Variants in NAALADL2 observed in about 807,000 individuals in gnomAD.
NAALADL2 encodes inactive N-acetylated-alpha-linked acidic dipeptidase-like protein 2.
NAALADL2 carries 76 observed loss-of-function variants against 87.2 expected under a neutral mutation model. The ratio of observed to expected loss-of-function variants is 0.87; its 90% confidence interval spans 0.72 to 1.05. The LOEUF (loss-of-function observed/expected upper bound fraction) is 1.05, where lower values mean the gene tolerates loss of function less well. NAALADL2 is among the 50% of genes least tolerant of loss of function. NAALADL2 has a pLI of 0.00. For synonymous variants in NAALADL2, 354 were observed against 331.0 expected, an observed-to-expected ratio of 1.07 and a Z score of -0.75; for missense variants, 1,089 against 945.8, an observed-to-expected ratio of 1.15 and a Z score of -1.99.
intron 2 of NAALADL2, among the ~76,000 whole-genome samples, chr3:175,137,248 TTGATA>T (rs1729243901): frequency 6.6e-6 from 1 of 152,148 alleles, no homozygotes; most frequent in Non-Finnish European, 1.5e-5. Flanking sequence ...AGCACATTGA[TTGATA>T]TGTTTCCTTT....
chr3:175,387,277 G>C (rs1768509051), intron 5 of NAALADL2, among the ~76,000 whole-genome samples: 1 of 152,104 alleles, frequency 6.6e-6, no homozygotes, highest in Admixed American at 6.6e-5. Flanking sequence ...TATGGATAAA[G>C]AGAGATGACA....
intron 5 of NAALADL2, 23 bp from the exon 6 acceptor site, chr3:175,447,206 C>T (rs1253083524): frequency 6.6e-7 from 1 of 1,517,366 alleles, no homozygotes; most frequent in Admixed American, 2.3e-5. Context: ...TAAGGATTAT[C>T]TTCCTTTGTC....
intron 1 of NAALADL2, among the ~76,000 whole-genome samples, chr3:174,988,695 C>G (rs774402668): frequency 2.0e-5 from 3 of 152,128 alleles, no homozygotes; most frequent in South Asian, 2.1e-4. Context: ...TAACTCTGAT[C>G]TCCACATAGT....
At chr3:174,699,867 A>T (rs1318109200) in intron 2 of NAALADL2, among the ~76,000 whole-genome samples, 19 of 114,738 alleles carry the variant, frequency 1.7e-4, no homozygotes, top group South Asian at 2.6e-4. Flanking sequence ...AAGATTGTAT[A>T]TTTTTTTCTG....
intron 11 of NAALADL2, among the ~76,000 whole-genome samples, chr3:175,646,859 G>A (rs772502219): frequency 2.6e-5 from 4 of 151,976 alleles, no homozygotes; most frequent in African/African-American, 7.2e-5. Context: ...TTATCCAGCC[G>A]AGTGTTAAAT....
chr3:175,717,872 C>G (rs535519827), intron 11 of NAALADL2, among the ~76,000 whole-genome samples: 78 of 141,404 alleles, frequency 5.5e-4, no homozygotes, highest in African/African-American at 2.0e-3. Flanking sequence ...TGCAGTGGCA[C>G]AATCTTGGCC....
intron 3 of NAALADL2, among the ~76,000 whole-genome samples, chr3:174,819,828 T>C (rs945313446): frequency 1.3e-5 from 2 of 152,214 alleles, no homozygotes; most frequent in Non-Finnish European, 2.9e-5. Flanking sequence ...TCAAGACTCG[T>C]GTTCATGAGC....
At chr3:175,617,585 T>C (rs998120463) in intron 10 of NAALADL2, among the ~76,000 whole-genome samples, 3 of 152,180 alleles carry the variant, frequency 2.0e-5, no homozygotes, top group South Asian at 2.1e-4. Flanking sequence ...AGCCTCTGTC[T>C]TTTTCTTGCA....
chr3:175,036,195 C>T (rs898782999), intron 1 of NAALADL2, among the ~76,000 whole-genome samples: 3 of 151,898 alleles, frequency 2.0e-5, no homozygotes, highest in Non-Finnish European at 4.4e-5. Context: ...TTATTAACTT[C>T]GTTTATCTTT....
chr3:174,995,971 TC>T (rs1253402702), intron 1 of NAALADL2, among the ~76,000 whole-genome samples: 1 of 151,934 alleles, frequency 6.6e-6, no homozygotes, highest in East Asian at 1.9e-4. Flanking sequence ...ATAAGGAGAG[TC>T]AGGAAATCAG....
At chr3:175,344,099 A>G (rs1354038111) in intron 5 of NAALADL2, among the ~76,000 whole-genome samples, 1 of 152,082 alleles carries the variant, frequency 6.6e-6, no homozygotes, top group Non-Finnish European at 1.5e-5. Flanking sequence ...ATGATCATGG[A>G]CTGCTTTTAT....
intron 1 of NAALADL2, among the ~76,000 whole-genome samples, chr3:174,475,004 A>C (rs1436889031): frequency 6.6e-6 from 1 of 152,000 alleles, no homozygotes; most frequent in African/African-American, 2.4e-5. Context: ...ATTTTCAAGG[A>C]GACAACTCAG....
At chr3:174,456,196 C>G (rs1031299114) in intron 1 of NAALADL2, among the ~76,000 whole-genome samples, 7 of 151,988 alleles carry the variant, frequency 4.6e-5, no homozygotes, top group African/African-American at 1.7e-4. Context: ...AAACACTGCT[C>G]AGAGAAATCA....
intron 2 of NAALADL2, among the ~76,000 whole-genome samples, chr3:174,606,218 G>A (rs1346574662): frequency 6.6e-6 from 1 of 152,110 alleles, no homozygotes; most frequent in Admixed American, 6.5e-5. Flanking sequence ...CAAAGATGGG[G>A]AAAAAACAGA....
intron 1 of NAALADL2, among the ~76,000 whole-genome samples, chr3:175,032,715 CA>C (rs1168493342): frequency 1.3e-5 from 2 of 151,886 alleles, no homozygotes; most frequent in Non-Finnish European, 2.9e-5. Flanking sequence ...ATATATATAT[CA>C]TTTCCTTCAA....
At chr3:175,586,677 C>T (rs1236697072) in intron 10 of NAALADL2, among the ~76,000 whole-genome samples, 1 of 152,138 alleles carries the variant, frequency 6.6e-6, no homozygotes, top group South Asian at 2.1e-4. Flanking sequence ...TTTTCAGTTT[C>T]CTAAACCAGT....
chr3:174,503,851 T>G (rs1292037299), intron 1 of NAALADL2, among the ~76,000 whole-genome samples: 1 of 152,146 alleles, frequency 6.6e-6, no homozygotes, highest in South Asian at 2.1e-4. Context: ...TATTGAAATA[T>G]AATGAACCCT....
In NAALADL2 at chr3:175,803,663, A is replaced by G. The variant is rs899246558; in HGVS notation, c.*460A>G. 4.6e-5 allele frequency: 7 copies of G among 152,788 alleles called. No homozygotes were observed. Among genetic ancestry groups the G allele is most frequent in the African/African-American group, 1.7e-4 (7 of 41,436 alleles). The allele number at this position is 152,788 out of a possible 1,614,324, so 9.5% of individuals were successfully genotyped here. A position where few individuals can be genotyped will look rare whatever the true frequency, so the allele number is the denominator to read the frequency against. The stretch of plus-strand genomic sequence containing the variant: ...TTAAGTGTTCAATATGAAGAATTCA[A>G]GTATTCTGACTGAGTGATTGGTTGA... On this transcript the variant is annotated 3_prime_UTR_variant, in exon 14 of 14. Transcript: ENST00000454872.
At chr3:175,212,509 A>T (rs1741905089) in intron 2 of NAALADL2, among the ~76,000 whole-genome samples, 1 of 152,120 alleles carries the variant, frequency 6.6e-6, no homozygotes, top group Admixed American at 6.6e-5. Context: ...ATAATGACAC[A>T]CATCAGGAAT....
Sources: allele counts gnomAD v4.1 joint callset (sites outside exome capture counted in the v4.1 genomes callset), GRCh38; gene constraint gnomAD v4.1.1; transcripts MANE v1.5; gene names NCBI Gene and HGNC (gene_info 2026-07-23, HGNC 2026-07-21).